ATIC: variants seen among roughly 807,000 people sequenced by gnomAD.
ATIC encodes the protein bifunctional purine biosynthesis protein ATIC.
A neutral mutation model predicts 72.5 loss-of-function variants in ATIC; 64 were observed. That is an observed-to-expected ratio of 0.88 (90% CI 0.72 to 1.09). ATIC has a LOEUF of 1.09. ATIC is among the 50% of genes least tolerant of loss of function. The pLI is 0.00. For synonymous variants in ATIC, 281 were observed against 267.1 expected, an observed-to-expected ratio of 1.05 and a Z score of -0.51; for missense variants, 787 against 732.4, an observed-to-expected ratio of 1.07 and a Z score of -0.86.
intron 1 of ATIC, 83 bp downstream of exon 1, chr2:215,312,244 C>G (rs1415463229): frequency 1.4e-6 from 2 of 1,453,886 alleles, no homozygotes; most frequent in East Asian, 2.7e-5. Context: ...CGGCGGGACC[C>G]GGCACTGCAG....
At chr2:215,323,218 T>C (rs928860430) in intron 4 of ATIC, among the ~76,000 whole-genome samples, 4 of 152,230 alleles carry the variant, frequency 2.6e-5, no homozygotes, top group Admixed American at 2.0e-4. Flanking sequence ...GTGCTAGGAT[T>C]ACAGGCGTGA....
chr2:215,316,669 A>G (rs541020357), intron 2 of ATIC, among the ~76,000 whole-genome samples: 149 of 152,292 alleles, frequency 9.8e-4, no homozygotes, highest in African/African-American at 3.5e-3. Context: ...ATGCTAGTAT[A>G]TTTTTCTTCA....
rs1004296105 is a variant in ATIC at position 215,349,696 on chromosome 2, G to T, written c.*41G>T. On this transcript the variant is annotated 3_prime_UTR_variant, in exon 16 of 16. Transcript: ENST00000236959. ...TTTTTTGGCTTGCTTATGTGTAGGT[G>T]AACAGTCACGCCTGAAACTTTGAGG... The T allele has an allele frequency of 6.2e-7, 1 of 1,613,946 alleles. No homozygotes were observed. The highest frequency in any genetic ancestry group is 1.7e-5 in the Admixed American group (1 of 60,024).
intron 3 of ATIC, 44 bp from the exon 4 acceptor site, chr2:215,319,620 CT>C (rs1559267136): frequency 7.4e-7 from 1 of 1,358,320 alleles, no homozygotes; most frequent in Admixed American, 1.7e-5. Context: ...CTTAATCTGA[CT>C]TGTTTTTTGA....
intron 4 of ATIC, among the ~76,000 whole-genome samples, chr2:215,324,070 T>C (rs2052797326): frequency 6.6e-6 from 1 of 152,198 alleles, no homozygotes; most frequent in African/African-American, 2.4e-5. Context: ...CTAATTTTTG[T>C]ATTTTTAGTA....
the ATIC span, among the ~76,000 whole-genome samples, chr2:215,355,491 T>C: frequency 2.0e-5 from 3 of 152,184 alleles, no homozygotes; most frequent in Non-Finnish European, 2.9e-5. Flanking sequence ...TCCCGTTGCC[T>C]TGCCCTTTGA....
chr2:215,318,256 G>GTGA, intron 3 of ATIC, 23 bp downstream of exon 3: 1 of 1,595,650 alleles, frequency 6.3e-7, no homozygotes, highest in Non-Finnish European at 8.6e-7. Context: ...TATCTTTAAT[G>GTGA]TAAAAACAGT....
At chr2:215,335,941 C>A in intron 10 of ATIC, 94 bp from the exon 11 acceptor site, 1 of 969,784 alleles carries the variant, frequency 1.0e-6, no homozygotes, top group Non-Finnish European at 1.6e-6. Flanking sequence ...GAATATGCTG[C>A]CACATTATTT....
the ATIC span, chr2:215,365,771 A>G: frequency 3.9e-6 from 2 of 509,542 alleles, no homozygotes; most frequent in Non-Finnish European, 6.7e-6. Context: ...AACCCCTATA[A>G]TGGGCCATTT....
chr2:215,358,202 CAA>C, the ATIC span, among the ~76,000 whole-genome samples: 17 of 143,688 alleles, frequency 1.2e-4, no homozygotes, highest in Admixed American at 1.1e-3. Context: ...GAGCTGAAAA[CAA>C]TATAAAATGT....
At position 215,312,531 on chromosome 2, in the gene ATIC, T is replaced by C; in HGVS notation, c.53T>C (p.Val18Ala). 6.2e-7 allele frequency: 1 copy of C among 1,614,174 alleles called. No individual in the cohort carries two copies. The highest frequency in any genetic ancestry group is 8.5e-7 in the Non-Finnish European group (1 of 1,180,020). The change falls in exon 2 of 16, where the codon GTG becomes GCG. Residue 18 changes from valine (V) to alanine (A), a missense_variant. Transcript: ENST00000236959. Reference protein sequence around the residue: ...LFSVSDKTGLVEFARNLTALG... With the variant: ...LFSVSDKTGLAEFARNLTALG... Reference sequence around the variant, plus strand: ...AGTGTCTCTGACAAAACCGGCCTTGTGGAATTTGCAAGAAACCTGACCGCT... The same window carrying C: ...AGTGTCTCTGACAAAACCGGCCTTGCGGAATTTGCAAGAAACCTGACCGCT...
intron 12 of ATIC, among the ~76,000 whole-genome samples, chr2:215,340,752 C>T (rs923531994): frequency 1.3e-5 from 2 of 152,126 alleles, no homozygotes; most frequent in Non-Finnish European, 2.9e-5. Context: ...TACTGCTGTA[C>T]GCTGAACTCG....
At chr2:215,339,883 A>G (rs2053000211) in intron 12 of ATIC, among the ~76,000 whole-genome samples, 2 of 152,086 alleles carry the variant, frequency 1.3e-5, no homozygotes, top group African/African-American at 4.8e-5. Flanking sequence ...TGATCTGCCC[A>G]CCTCAGCCTC....
At chr2:215,364,628 C>A in the ATIC span, 1 of 562,196 alleles carries the variant, frequency 1.8e-6, no homozygotes, top group Non-Finnish European at 3.2e-6. Context: ...TGACTCAAGA[C>A]TTGTGTTTTT....
chr2:215,343,464 G>A (rs2053041003), intron 12 of ATIC, among the ~76,000 whole-genome samples: 1 of 152,064 alleles, frequency 6.6e-6, no homozygotes, highest in Admixed American at 6.5e-5. Flanking sequence ...AGCTTCCCAA[G>A]TAGCTGGGAT....
chr2:215,338,842 C>G lies in ATIC; in HGVS notation c.1162C>G (p.Gln388Glu). The G allele has an allele frequency of 6.2e-7, 1 of 1,613,758 alleles. No homozygotes were observed. Among genetic ancestry groups the G allele is most frequent in the African/African-American group, 1.3e-5 (1 of 74,992 alleles). Residue 388 changes from glutamine (Q) to glutamate (E), a missense_variant, in exon 12 of 16, where the codon CAG (glutamine) becomes GAG (glutamate). Physicochemically the swap from Gln to Glu is conservative, Grantham distance 29 (BLOSUM62 2). Coordinates refer to ENST00000236959, the MANE Select transcript of ATIC (RefSeq NM_004044.7). ...AACTCTCTTTGGTCTTCATTTAAGC[C>G]AGAAGAGAAATAATGGTGTCGTCGA... ...VRTLFGLHLS[Q>E]KRNNGVVDKS...
At chr2:215,352,661 A>G (rs894319089), downstream of ATIC, among the ~76,000 whole-genome samples, 2 of 152,220 alleles carry the variant, frequency 1.3e-5, no homozygotes, top group Non-Finnish European at 2.9e-5. Flanking sequence ...GTATCATACT[A>G]AAAGGATAAG....
rs777155380 is a variant in ATIC, at chr2:215,346,830, T to A, written c.1392T>A (p.Tyr464Ter). The A allele has an allele frequency of 6.2e-7, 1 of 1,614,194 alleles. No homozygotes were observed. The highest frequency in any genetic ancestry group is 1.1e-5 in the South Asian group (1 of 91,086). The change falls in exon 14 of 16, where the codon TAT (tyrosine) becomes TAA (stop). Residue 464 changes from tyrosine to a stop codon, truncating the protein, a stop_gained. Coordinates refer to ENST00000236959, the MANE Select transcript of ATIC (RefSeq NM_004044.7). LOFTEE classifies it high-confidence loss of function. ...GCCTTGCAGGAGATAAGGCAAACTA[T>A]TGGTGGCTTAGACACCATCCACAAG... is the stretch of plus-strand genomic sequence containing the variant. ...CTRLAGDKAN[Y>*]WWLRHHPQVL...
intron 14 of ATIC, 100 bp from the exon 15 acceptor site, chr2:215,348,994 T>G: frequency 8.6e-7 from 1 of 1,159,848 alleles, no homozygotes; most frequent in Non-Finnish European, 1.2e-6. Context: ...AAACAAGTCC[T>G]AAGAAAAATG....
Sources: gnomAD v4.1 joint callset for allele counts (sites outside exome capture counted in the v4.1 genomes callset) on GRCh38, gnomAD v4.1.1 for gene constraint, MANE v1.5 for transcripts, NCBI Gene and HGNC (gene_info 2026-07-23, HGNC 2026-07-21) for gene names.